The following BLTP2 variants were observed in gnomAD, a reference collection of about 807,000 sequenced individuals.
The protein encoded by BLTP2 is U937-associated antigen.
the BLTP2 span, chr17:28,628,340 G>C: frequency 6.2e-7 from 1 of 1,614,114 alleles, no homozygotes; most frequent in Non-Finnish European, 8.5e-7. Context: ...GCACTAGTTG[G>C]GACACCCCGC....
chr17:28,616,980 C>T, the BLTP2 span: 11 of 1,613,114 alleles, frequency 6.8e-6, no homozygotes, highest in African/African-American at 1.3e-4. The surrounding 1 kb of genome is among the most constrained non-coding windows in gnomAD (Gnocchi z 4.8). Context: ...CTGGCAGGAG[C>T]TCTGGGGCCG....
At chr17:28,616,455 A>G in the BLTP2 span, 2 of 1,614,168 alleles carry the variant, frequency 1.2e-6, no homozygotes. The surrounding 1 kb of genome is among the most constrained non-coding windows in gnomAD (Gnocchi z 4.8). Flanking sequence ...CCCAGGGCCC[A>G]GTGGTACTGC....
the BLTP2 span, chr17:28,616,796 C>T: frequency 6.2e-7 from 1 of 1,613,116 alleles, no homozygotes; most frequent in Non-Finnish European, 8.5e-7. The surrounding 1 kb of genome is among the most constrained non-coding windows in gnomAD (Gnocchi z 4.8). Flanking sequence ...GCTCAGATAC[C>T]ATCATCAGTT....
chr17:28,617,002 G>A, the BLTP2 span: 3 of 1,603,618 alleles, frequency 1.9e-6, no homozygotes, highest in South Asian at 1.1e-5. Context: ...AGTACTACCT[G>A]TAGGATAGAG....
chr17:28,644,147 T>C, the BLTP2 span: 10 of 1,614,190 alleles, frequency 6.2e-6, no homozygotes, highest in Non-Finnish European at 8.5e-6. Flanking sequence ...GCCTGCAGCT[T>C]CCGCTGACAC....
the BLTP2 span, chr17:28,640,078 CTTT>C: frequency 6.3e-6 from 10 of 1,592,570 alleles, 1 homozygote; most frequent in Non-Finnish European, 8.5e-6. Context: ...ATTCCTACTT[CTTT>C]TACTTTTATT....
chr17:28,620,194 C>T, the BLTP2 span: 1 of 663,850 alleles, frequency 1.5e-6, no homozygotes, highest in Non-Finnish European at 2.5e-6. Context: ...GTGGATTTCA[C>T]AATAGGTCAG....
chr17:28,632,966 T>C, the BLTP2 span: 11 of 1,545,850 alleles, frequency 7.1e-6, no homozygotes, highest in South Asian at 1.3e-4. Context: ...GTCAGATCCA[T>C]CTTGATGGAG....
the BLTP2 span, chr17:28,638,339 G>A: frequency 6.2e-7 from 1 of 1,614,002 alleles, no homozygotes; most frequent in Non-Finnish European, 8.5e-7. Flanking sequence ...GGGAGTCACT[G>A]CCCACACGCC....
chr17:28,616,959 T>C, the BLTP2 span: 1 of 1,614,050 alleles, frequency 6.2e-7, no homozygotes, highest in Non-Finnish European at 8.5e-7. This position sits in a 1 kb window ranked among gnomAD's most constrained non-coding sequence, Gnocchi z 4.8. Context: ...GAGAGCTAGC[T>C]GTCGCCCAGA....
At chr17:28,632,306 C>T in the BLTP2 span, 7 of 1,425,524 alleles carry the variant, frequency 4.9e-6, no homozygotes, top group Non-Finnish European at 6.7e-6. Flanking sequence ...AAATCCTTCC[C>T]TTGCTGCAGG....
At chr17:28,642,514 G>T in the BLTP2 span, 1 of 599,322 alleles carries the variant, frequency 1.7e-6, no homozygotes, top group Admixed American at 2.9e-5. Flanking sequence ...AGCCAGGCGC[G>T]GTGGCGGCCG....
At chr17:28,614,954 C>T in the BLTP2 span, 2 of 1,013,404 alleles carry the variant, frequency 2.0e-6, no homozygotes, top group South Asian at 1.5e-5. Flanking sequence ...TGCCTATGGG[C>T]TCTGACACCC....
chr17:28,616,834 C>T, the BLTP2 span: 1 of 1,605,630 alleles, frequency 6.2e-7, no homozygotes. The surrounding 1 kb of genome is among the most constrained non-coding windows in gnomAD (Gnocchi z 4.8). Flanking sequence ...GTGTAACACA[C>T]AGGTGGCTTT....
chr17:28,644,135 C>T, the BLTP2 span: 1 of 1,614,244 alleles, frequency 6.2e-7, no homozygotes, highest in Non-Finnish European at 8.5e-7. Context: ...ATCTTTAGCT[C>T]CGCCTGCAGC....
the BLTP2 span, among the ~76,000 whole-genome samples, chr17:28,618,276 G>A: frequency 6.6e-6 from 1 of 151,766 alleles, no homozygotes; most frequent in Non-Finnish European, 1.5e-5. Flanking sequence ...TTTAGAGACA[G>A]GGTCTCACTC....
At chr17:28,634,515 A>T in the BLTP2 span, 2 of 1,609,986 alleles carry the variant, frequency 1.2e-6, no homozygotes, top group Non-Finnish European at 1.7e-6. Context: ...AACACTACTT[A>T]CCCAGAAAGC....
the BLTP2 span, chr17:28,616,653 C>G: frequency 6.2e-7 from 1 of 1,614,224 alleles, no homozygotes; most frequent in Non-Finnish European, 8.5e-7. The surrounding 1 kb of genome is among the most constrained non-coding windows in gnomAD (Gnocchi z 4.8). Flanking sequence ...CTCTTCATCA[C>G]CAACTTCATC....
the BLTP2 span, chr17:28,640,127 GCTCA>G: frequency 9.9e-6 from 13 of 1,306,668 alleles, no homozygotes; most frequent in Non-Finnish European, 1.4e-5. Context: ...AGGCGCAGTG[GCTCA>G]CTCTTGTAAT....
Sources: allele counts gnomAD v4.1 joint callset (sites outside exome capture counted in the v4.1 genomes callset), GRCh38; gene constraint gnomAD v4.1.1; non-coding constraint Gnocchi (gnomAD v3.1); transcripts MANE v1.5; gene names NCBI Gene and HGNC (gene_info 2026-07-23, HGNC 2026-07-21).